Variants in SLCO3A1 observed in about 807,000 individuals in gnomAD.
The protein encoded by SLCO3A1 is solute carrier organic anion transporter family member 3A1, also known as PGE1 transporter.
A neutral mutation model predicts 63.1 loss-of-function variants in SLCO3A1; 27 were observed. The ratio of observed to expected loss-of-function variants is 0.43; its 90% CI spans 0.32 to 0.59. The LOEUF (loss-of-function observed/expected upper bound fraction) is 0.59. Among genes scored for constraint, SLCO3A1 ranks in the 20% least tolerant of loss-of-function variants. SLCO3A1 has a pLI of 0.09. For synonymous variants in SLCO3A1, 473 were observed against 409.9 expected, an observed-to-expected ratio of 1.15 and a Z score of -1.86; for missense variants, 773 against 945.8, an observed-to-expected ratio of 0.82 and a Z score of 2.40.
Position 92,104,382 on chromosome 15 carries a change from T to G in SLCO3A1, c.849T>G (p.Phe283Leu). The G allele has an allele frequency of 6.2e-7, 1 of 1,614,162 alleles. No homozygotes were observed. Among genetic ancestry groups the G allele is most frequent in the Non-Finnish European group, 8.5e-7 (1 of 1,180,032 alleles). Residue 283 changes from phenylalanine to leucine, a missense_variant, in exon 4 of 10, where the codon TTT (phenylalanine) becomes TTG (leucine). Around this residue, in one of 3 missense-constraint regions of SLCO3A1, gnomAD observed 565 missense variants for 749.8 expected, o/e 0.75. Transcript: ENST00000318445. ...TCTTCTTCTCTTCCCTCTTGATGTT[T>G]GGGTTTCCACAGTCCCTGCCCCCGC... Reference protein sequence around the residue: ...ALLFFSSLLMFGFPQSLPPHS... With the variant: ...ALLFFSSLLMLGFPQSLPPHS...
At chr15:92,064,957 G>A (rs2047131416) in intron 2 of SLCO3A1, among the ~76,000 whole-genome samples, 2 of 152,206 alleles carry the variant, frequency 1.3e-5, no homozygotes, top group Admixed American at 1.3e-4. Context: ...CAATAGCACA[G>A]CAAGGTGACT....
intron 2 of SLCO3A1, among the ~76,000 whole-genome samples, chr15:92,076,630 C>T (rs573618647): frequency 1.3e-5 from 2 of 152,300 alleles, no homozygotes; most frequent in East Asian, 1.9e-4. Flanking sequence ...GAGCCTCACT[C>T]TGGTGCTCAC....
At chr15:92,139,536 G>C (rs528771368) in intron 7 of SLCO3A1, among the ~76,000 whole-genome samples, 2,278 of 151,798 alleles carry the variant, frequency 0.015, 54 homozygotes, top group African/African-American at 0.052. Flanking sequence ...GATTGGAATA[G>C]TTTCAGAAGG....
rs539420929 is a variant in SLCO3A1 at position 91,864,683 on chromosome 15, C to G, written c.180+10595C>G. Among the ~76,000 whole-genome samples, 12 of 152,160 alleles carry G rather than the reference C, an allele frequency of 7.9e-5. No homozygotes were observed. The East Asian group carries it at 2.1e-3, about 27-fold the overall frequency. On this transcript the variant is annotated intron_variant, in intron 1 of 9. Transcript: ENST00000318445. ...GAGGTGATTAAAAATAGCTCAAGGG[C>G]TTGTGGCACCCAAGGCTATCAGGGG...
rs186009383 is a variant in SLCO3A1, at chr15:91,968,312, G to A, written c.646+51854G>A. 1.8e-3 allele frequency among the ~76,000 whole-genome samples: 268 copies of A among 152,176 alleles called. No individual in the cohort carries two copies. Among genetic ancestry groups the A allele is most frequent in the African/African-American group, 6.2e-3 (258 of 41,522 alleles). On this transcript the variant is annotated intron_variant, in intron 2 of 9. Coordinates refer to ENST00000318445, the MANE Select transcript of SLCO3A1 (RefSeq NM_013272.4). The surrounding 1 kb of genome is among the most constrained non-coding windows in gnomAD (Gnocchi z 4.2). The stretch of plus-strand genomic sequence containing the variant: ...GAGGAGAGGAAAGAGAAGTTTAGCT[G>A]GCATCATTAAAATGACTTTCTAGTC...
At chr15:91,926,596 T>TGTGTGTGTGTGTGCGCGC in intron 2 of SLCO3A1, among the ~76,000 whole-genome samples, 45 of 105,312 alleles carry the variant, frequency 4.3e-4, no homozygotes, top group African/African-American at 1.1e-3. Flanking sequence ...TGTGTGTGTG[T>TGTGTGTGTGTGTGCGCGC]GCGCGCGCGC....
chr15:91,988,369 G>A (rs1255025673), intron 2 of SLCO3A1, among the ~76,000 whole-genome samples: 2 of 151,926 alleles, frequency 1.3e-5, no homozygotes, highest in African/African-American at 4.8e-5. Flanking sequence ...TAGATGAGAA[G>A]TGTAGCATCA....
intron 2 of SLCO3A1, among the ~76,000 whole-genome samples, chr15:92,092,071 G>A (rs575847900): frequency 1.1e-4 from 17 of 152,284 alleles, no homozygotes; most frequent in Non-Finnish European, 2.2e-4. Context: ...GCAGCTTGAG[G>A]GACGCCCCTC....
At chr15:92,160,167 T>C (rs1358330653) in intron 9 of SLCO3A1, among the ~76,000 whole-genome samples, 1 of 152,064 alleles carries the variant, frequency 6.6e-6, no homozygotes, top group Non-Finnish European at 1.5e-5. Context: ...AATCACAATA[T>C]AATGATTATG....
intron 1 of SLCO3A1, among the ~76,000 whole-genome samples, chr15:91,907,205 C>G (rs1567179696): frequency 2.0e-5 from 3 of 151,964 alleles, no homozygotes; most frequent in African/African-American, 7.2e-5. Context: ...GGAGGCCTTT[C>G]TTTTTCTGTT....
rs1226362065 is a variant in SLCO3A1, at chr15:92,152,052, GA to G, written c.1753+1043del. ...GAAAGGGCATGTGATGGGGGAAGGG[GA>G]AAAACAGGTCTGTAATGTAATAACT... On this transcript the variant is annotated intron_variant, in intron 9 of 9. Coordinates refer to ENST00000318445, the MANE Select transcript of SLCO3A1 (RefSeq NM_013272.4). Among the ~76,000 whole-genome samples, 22 of 152,248 alleles carry G rather than the reference GA, an allele frequency of 1.4e-4. No individual in the cohort carries two copies. In the East Asian group the frequency reaches 3.9e-3, roughly 27 times the overall value.
intron 7 of SLCO3A1, among the ~76,000 whole-genome samples, chr15:92,141,365 C>T (rs1379224761): frequency 6.6e-6 from 1 of 152,296 alleles, no homozygotes. Flanking sequence ...CCAGAGAAAG[C>T]ATTAGGGGAC....
chr15:92,020,456 T>C (rs114674025), intron 2 of SLCO3A1, among the ~76,000 whole-genome samples: 360 of 152,366 alleles, frequency 2.4e-3, no homozygotes, highest in African/African-American at 7.7e-3. Flanking sequence ...ACTTGACCCC[T>C]GTCCTGGGAA....
intron 7 of SLCO3A1, among the ~76,000 whole-genome samples, chr15:92,142,484 C>T (rs1191635562): frequency 6.6e-6 from 1 of 152,158 alleles, no homozygotes; most frequent in Non-Finnish European, 1.5e-5. Context: ...GACACTAATC[C>T]CATTCATGAG....
chr15:91,956,717 GC>G (rs1232062467), intron 2 of SLCO3A1, among the ~76,000 whole-genome samples: 1 of 149,506 alleles, frequency 6.7e-6, no homozygotes, highest in Non-Finnish European at 1.5e-5. Context: ...CAACTTTTGT[GC>G]CCCTCCTTGT....
intron 2 of SLCO3A1, among the ~76,000 whole-genome samples, chr15:92,044,088 C>T (rs2046831225): frequency 6.6e-6 from 1 of 152,304 alleles, no homozygotes; most frequent in South Asian, 2.1e-4. Flanking sequence ...GCTTCATAGA[C>T]CATTATACGA....
At chr15:91,965,280 C>T (rs1397983278) in intron 2 of SLCO3A1, among the ~76,000 whole-genome samples, 1 of 152,194 alleles carries the variant, frequency 6.6e-6, no homozygotes, top group African/African-American at 2.4e-5. Context: ...AGCCCTGGCT[C>T]CTCAGGGATC....
intron 9 of SLCO3A1, chr15:92,157,082 G>C (rs1201395737): frequency 6.6e-6 from 1 of 152,188 alleles, no homozygotes; most frequent in Non-Finnish European, 1.5e-5. Context: ...ATTTAAGCCA[G>C]AGTGTAATAG....
intron 2 of SLCO3A1, among the ~76,000 whole-genome samples, chr15:91,973,716 G>A (rs1049548352): frequency 1.4e-4 from 21 of 152,118 alleles, no homozygotes; most frequent in African/African-American, 5.1e-4. Context: ...GTGGGGAGAG[G>A]CTGCGGATGC....
Sources: allele counts gnomAD v4.1 joint callset (sites outside exome capture counted in the v4.1 genomes callset), GRCh38; gene constraint gnomAD v4.1.1; regional missense constraint gnomAD v4.1.1; non-coding constraint Gnocchi (gnomAD v3.1); transcripts MANE v1.5; gene names NCBI Gene and HGNC (gene_info 2026-07-23, HGNC 2026-07-21).